The following SH3PXD2A variants were observed in gnomAD, a reference collection of about 807,000 sequenced individuals.
SH3PXD2A encodes SH3 and PX domain-containing protein 2A.
Under a neutral mutation model 115.2 loss-of-function variants are expected in SH3PXD2A, and 32 were observed. That is an observed-to-expected ratio of 0.28 (90% CI 0.21 to 0.37). The LOEUF is 0.37. SH3PXD2A is among the 10% of genes least tolerant of loss of function. The pLI is 1.00. For synonymous variants in SH3PXD2A, 610 were observed against 629.1 expected (o/e 0.97, Z 0.45); for missense variants, 1,328 against 1,498.7 (o/e 0.89, Z 1.88).
intron 1 of SH3PXD2A, among the ~76,000 whole-genome samples, chr10:103,815,801 A>T (rs1316440488): frequency 6.6e-6 from 1 of 152,070 alleles, no homozygotes; most frequent in East Asian, 1.9e-4. Flanking sequence ...AGGCAGGACA[A>T]TCGCTTGAAC....
At position 103,617,227 on chromosome 10, in the gene SH3PXD2A, C is replaced by T. The variant is rs143819462; in HGVS notation, c.890G>A (p.Arg297Gln). Residue 297 changes from arginine to glutamine, a missense_variant, in exon 11 of 15, where the codon CGG becomes CAG. Physicochemically the swap from Arg to Gln is conservative, Grantham distance 43 (BLOSUM62 1). This residue lies in a region of SH3PXD2A where 509 missense variants were observed against 628.3 expected (regional missense o/e 0.81). Transcript: ENST00000369774. Reference protein sequence around the residue: ...FEKGVTVEVIRKNLEGWWYIR... With the variant: ...FEKGVTVEVIQKNLEGWWYIR... ...ATACCACCAGCCTTCCAGATTCTTC[C>T]GGATCACCTCCACTGTGACGCCCTT... 572 of 1,613,828 alleles carry T rather than the reference C, an allele frequency of 3.5e-4. No homozygotes were observed. The highest frequency in any genetic ancestry group is 4.5e-4 in the Non-Finnish European group (528 of 1,179,802).
chr10:103,664,572 A>G (rs2037357984), intron 7 of SH3PXD2A, among the ~76,000 whole-genome samples: 1 of 151,926 alleles, frequency 6.6e-6, no homozygotes, highest in Non-Finnish European at 1.5e-5. Flanking sequence ...ATAATGGGCC[A>G]CCGGCGCCTG....
At chr10:103,715,625 T>C (rs2038096541) in intron 5 of SH3PXD2A, among the ~76,000 whole-genome samples, 1 of 152,222 alleles carries the variant, frequency 6.6e-6, no homozygotes, top group Admixed American at 6.5e-5. Flanking sequence ...TCCGGGTGAC[T>C]TACAGAGAAT....
rs144396692 is a variant in SH3PXD2A at position 103,757,051 on chromosome 10, G to T, written c.229+10043C>A. ...TGCCATCTACGCTGGAGTATGAGTTGGCTGGAAGCACCAACCCTGGGGACA... is the reference window on the plus strand; with the variant it reads ...TGCCATCTACGCTGGAGTATGAGTTTGCTGGAAGCACCAACCCTGGGGACA... On this transcript the variant is annotated intron_variant, in intron 3 of 14. Coordinates refer to ENST00000369774, the MANE Select transcript of SH3PXD2A (RefSeq NM_001394015.1). 3.7e-3 allele frequency among the ~76,000 whole-genome samples: 562 copies of T among 152,246 alleles called. 3 individuals carry two copies. Among genetic ancestry groups the T allele is most frequent in the Non-Finnish European group, 5.8e-3 (393 of 68,026 alleles).
Position 103,665,666 on chromosome 10 carries a change from T to C in SH3PXD2A, c.472+2942A>G, listed in dbSNP as rs2037374712. ...CGGGAGCTGCGAGCAGGTATCCAGA[T>C]GAGAAACCACTTGCAGGCCAGGCAG... On this transcript the variant is annotated intron_variant, in intron 7 of 14. Coordinates refer to ENST00000369774, the MANE Select transcript of SH3PXD2A (RefSeq NM_001394015.1). The surrounding 1 kb of genome is among the most constrained non-coding windows in gnomAD (Gnocchi z 4.0). Among the ~76,000 whole-genome samples the C allele has an allele frequency of 6.6e-6, 1 of 152,052 alleles. No homozygotes were observed. The highest frequency in any genetic ancestry group is 2.1e-4 in the South Asian group (1 of 4,822).
At chr10:103,679,483 C>G (rs1181597224) in intron 6 of SH3PXD2A, among the ~76,000 whole-genome samples, 1 of 152,246 alleles carries the variant, frequency 6.6e-6, no homozygotes, top group Non-Finnish European at 1.5e-5. Flanking sequence ...GAGACAGCTG[C>G]CTAGTGTCCA....
chr10:103,806,965 C>G (rs1472531152), intron 1 of SH3PXD2A, among the ~76,000 whole-genome samples: 1 of 152,204 alleles, frequency 6.6e-6, no homozygotes, highest in Non-Finnish European at 1.5e-5. Flanking sequence ...ACCAGTCCCA[C>G]CCATCCAGAG....
At chr10:103,653,573 CCA>C (rs773991592) in intron 8 of SH3PXD2A, among the ~76,000 whole-genome samples, 8 of 152,176 alleles carry the variant, frequency 5.3e-5, no homozygotes, top group Non-Finnish European at 1.0e-4. Flanking sequence ...GCCAGTAGGT[CCA>C]CAGAGTCAGG....
intron 5 of SH3PXD2A, among the ~76,000 whole-genome samples, chr10:103,710,397 A>T (rs1407361136): frequency 1.3e-5 from 2 of 152,200 alleles, no homozygotes; most frequent in African/African-American, 4.8e-5. Context: ...TAATTTAAAA[A>T]ATGTAAATCG....
At chr10:103,773,434 T>C (rs1348922554) in intron 2 of SH3PXD2A, among the ~76,000 whole-genome samples, 2 of 119,950 alleles carry the variant, frequency 1.7e-5, no homozygotes, top group African/African-American at 6.1e-5. Context: ...TCTTCTCTTT[T>C]CTTTCTTTCT....
rs199506764 is a variant in SH3PXD2A at position 103,680,287 on chromosome 10, TTA to T, written c.428-11637_428-11636del. ...AGCTACCACACCCGGCCTGCCTTCT[TTA>T]TGTTTTATTTTGAGATAGGGTCTTG... On this transcript the variant is annotated intron_variant, in intron 6 of 14. Coordinates refer to ENST00000369774, the MANE Select transcript of SH3PXD2A (RefSeq NM_001394015.1). Among the ~76,000 whole-genome samples the T allele has an allele frequency of 4.4e-3, 667 of 151,136 alleles. 6 individuals are homozygous for T. Among genetic ancestry groups the T allele is most frequent in the Admixed American group, 0.015 (226 of 15,172 alleles).
In SH3PXD2A at chr10:103,595,772, T is replaced by G. The variant is rs2036124253; in HGVS notation, c.*6044A>C. 6.5e-6 allele frequency: 1 copy of G among 152,782 alleles called. No homozygotes were observed. The highest frequency in any genetic ancestry group is 1.5e-5 in the Non-Finnish European group (1 of 68,070). The allele number at this position is 152,782 out of a possible 1,614,324, so 9.5% of individuals were successfully genotyped here. On this transcript the variant is annotated 3_prime_UTR_variant, in exon 15 of 15. Coordinates refer to ENST00000369774, the MANE Select transcript of SH3PXD2A (RefSeq NM_001394015.1). The stretch of plus-strand genomic sequence containing the variant: ...GGATTGGGGAAGGGGGATTGCATGC[T>G]AATCCCAACCTTATAGGCAGGCTGG...
At chr10:103,717,397 G>A (rs562182123) in intron 5 of SH3PXD2A, among the ~76,000 whole-genome samples, 1 of 152,316 alleles carries the variant, frequency 6.6e-6, no homozygotes, top group Admixed American at 6.5e-5. Flanking sequence ...GCTTTCTGGA[G>A]GAGGGGCCCA....
At chr10:103,748,974 T>C (rs1451444173) in intron 3 of SH3PXD2A, among the ~76,000 whole-genome samples, 1 of 150,862 alleles carries the variant, frequency 6.6e-6, no homozygotes, top group Admixed American at 6.6e-5. Context: ...CTTTCTTCTT[T>C]CTTTTTTTTT....
rs1281457966 is a variant in SH3PXD2A, at chr10:103,594,579, C to T, written c.*7237G>A. ...ACTGAAGTCTGCCTTGCCCGGGAGT[C>T]ACTTCCTGCAGACCTCTGAGTACCT... On this transcript the variant is annotated 3_prime_UTR_variant, in exon 15 of 15. Transcript: ENST00000369774. 1 of 152,270 alleles carries T rather than the reference C, an allele frequency of 6.6e-6. No homozygotes were observed. The highest frequency in any genetic ancestry group is 1.5e-5 in the Non-Finnish European group (1 of 68,048). The allele number at this position is 152,270 out of a possible 1,614,324, so 9.4% of individuals were successfully genotyped here.
intron 8 of SH3PXD2A, among the ~76,000 whole-genome samples, chr10:103,633,593 T>A (rs1331480788): frequency 1.3e-5 from 2 of 151,640 alleles, no homozygotes. Flanking sequence ...CCAGGTGTGG[T>A]GGCGGATGCC....
At chr10:103,660,903 G>A (rs1000204992) in intron 8 of SH3PXD2A, 80 bp downstream of exon 8, 15 of 1,419,226 alleles carry the variant, frequency 1.1e-5, no homozygotes, top group African/African-American at 2.8e-5. Context: ...AGCGGTGGGG[G>A]AGGAGGGAGG....
At position 103,620,046 on chromosome 10, in the gene SH3PXD2A, G is replaced by C. The variant is rs1399554511; in HGVS notation, c.802+2424C>G. Among the ~76,000 whole-genome samples, 1 of 152,218 alleles carries C rather than the reference G, an allele frequency of 6.6e-6. No individual in the cohort carries two copies. ...CAACTCACAGGTGTCCCAAGGAAGA[G>C]AGACTTGCCTGGGCCACAAACCCCA... On this transcript the variant is annotated intron_variant, in intron 10 of 14. Coordinates refer to ENST00000369774, the MANE Select transcript of SH3PXD2A (RefSeq NM_001394015.1). This position sits in a 1 kb window ranked among gnomAD's most constrained non-coding sequence, Gnocchi z 5.3.
At chr10:103,654,442 A>G (rs2037178451) in intron 8 of SH3PXD2A, among the ~76,000 whole-genome samples, 1 of 152,118 alleles carries the variant, frequency 6.6e-6, no homozygotes, top group Non-Finnish European at 1.5e-5. Context: ...CAAGAGAGAA[A>G]CTGGCCCCCT....
Sources: gnomAD v4.1 joint callset for allele counts (sites outside exome capture counted in the v4.1 genomes callset) on GRCh38, gnomAD v4.1.1 for gene constraint, gnomAD v4.1.1 regional missense constraint, Gnocchi (gnomAD v3.1) non-coding constraint, MANE v1.5 for transcripts, NCBI Gene and HGNC (gene_info 2026-07-23, HGNC 2026-07-21) for gene names.